Variants in FANK1 observed in about 807,000 individuals in gnomAD.
FANK1 encodes fibronectin type 3 and ankyrin repeat domains protein 1.
FANK1 carries 44 observed loss-of-function variants against 45.3 expected under a neutral mutation model. The ratio of observed to expected loss-of-function variants is 0.97; its 90% CI spans 0.76 to 1.25. The LOEUF is 1.25. Ranked by LOEUF, FANK1 falls within the 50% of genes most tolerant of loss-of-function variation. The pLI, the probability that FANK1 is intolerant of heterozygous loss-of-function variation, is 0.00. For synonymous variants in FANK1, 149 were observed against 152.5 expected, an observed-to-expected ratio of 0.98 and a Z score of 0.17; for missense variants, 391 against 424.4, an observed-to-expected ratio of 0.92 and a Z score of 0.69.
At chr10:125,923,033 G>A (rs1947056490) in intron 1 of FANK1, among the ~76,000 whole-genome samples, 1 of 151,732 alleles carries the variant, frequency 6.6e-6, no homozygotes, top group South Asian at 2.1e-4. Context: ...TATGTTTCAT[G>A]GAACTTTTTG....
At chr10:125,954,871 A>G (rs1949480172) in intron 1 of FANK1, among the ~76,000 whole-genome samples, 2 of 152,298 alleles carry the variant, frequency 1.3e-5, no homozygotes, top group South Asian at 2.1e-4. Flanking sequence ...CAGCGAGCCA[A>G]GATTGTGCCA....
chr10:125,911,757 T>A (rs931739799), intron 1 of FANK1, among the ~76,000 whole-genome samples: 34 of 152,240 alleles, frequency 2.2e-4, no homozygotes, highest in African/African-American at 6.3e-4. Context: ...TTTGGATAAC[T>A]TACTAATTAT....
chr10:125,922,555 T>A (rs182513990), intron 1 of FANK1, among the ~76,000 whole-genome samples: 1 of 152,224 alleles, frequency 6.6e-6, no homozygotes, highest in Non-Finnish European at 1.5e-5. Context: ...CTCACTCTGT[T>A]GCCCAGGCTG....
intron 3 of FANK1, chr10:125,989,292 G>A (rs1564950983): frequency 1.9e-6 from 3 of 1,550,334 alleles, no homozygotes; most frequent in Non-Finnish European, 2.6e-6. Flanking sequence ...CCATCTCTGA[G>A]CAAGAGCCTT....
intron 1 of FANK1, among the ~76,000 whole-genome samples, chr10:125,958,505 T>TG (rs1949721628): frequency 6.6e-6 from 1 of 152,190 alleles, no homozygotes. Flanking sequence ...CCTAAGGTGC[T>TG]GGGATTACAG....
At chr10:125,964,186 C>CTTTTTT (rs71486557) in intron 1 of FANK1, among the ~76,000 whole-genome samples, 147 of 78,400 alleles carry the variant, frequency 1.9e-3, no homozygotes, top group Admixed American at 2.4e-3. Flanking sequence ...TTCTCTCTCT[C>CTTTTTT]TTTTTTTTTT....
At chr10:125,897,510 A>C (rs1376450573) in intron 1 of FANK1, among the ~76,000 whole-genome samples, 1 of 152,226 alleles carries the variant, frequency 6.6e-6, no homozygotes, top group Non-Finnish European at 1.5e-5. Flanking sequence ...CTCTCAAACC[A>C]AGTCGTCTTA....
In FANK1 at chr10:126,008,416, G is replaced by A. The variant is rs145929999; in HGVS notation, c.715G>A (p.Val239Met). 26 of 1,603,490 alleles carry A rather than the reference G, an allele frequency of 1.6e-5. No homozygotes were observed. The highest frequency in any genetic ancestry group is 5.6e-5 in the South Asian group (5 of 89,132). ...TTCTCTGGCCCAACAGGTAGACGTC[G>A]TGGACACTGGTTCAGGATGGACCCC... ...MIKDGCEVDV[V>M]DTGSGWTPLM... The change falls in exon 8 of 11, where the codon GTG becomes ATG. Residue 239 changes from valine to methionine, a missense_variant. Transcript: ENST00000368693.
At chr10:125,903,529 C>T (rs1233347913) in intron 1 of FANK1, among the ~76,000 whole-genome samples, 1 of 152,286 alleles carries the variant, frequency 6.6e-6, no homozygotes, top group African/African-American at 2.4e-5. Context: ...CTCCTCCCTC[C>T]ACCTGTTGTG....
At position 125,946,946 on chromosome 10, in the gene FANK1, G is replaced by T. The variant is rs1008414446; in HGVS notation, c.14-33215G>T. ...GAAACCCTACAAGCCAGAAGAGAGT[G>T]GGGGCCAATATTCAACATTCTTAAA... On this transcript the variant is annotated intron_variant, in intron 1 of 10. Coordinates refer to ENST00000368693, the MANE Select transcript of FANK1 (RefSeq NM_145235.5). Among the ~76,000 whole-genome samples, 10 of 148,328 alleles carry T rather than the reference G, an allele frequency of 6.7e-5. No individual in the cohort carries two copies. In the South Asian group the frequency reaches 8.8e-4, roughly 13 times the overall value.
chr10:125,995,529 C>T (rs1354514057), intron 4 of FANK1, 31 bp downstream of exon 4: 2 of 1,594,506 alleles, frequency 1.3e-6, no homozygotes, highest in African/African-American at 1.3e-5. Flanking sequence ...GTTTTTTTTC[C>T]CCCATGCCTA....
chr10:125,933,898 C>T (rs1439859684), intron 1 of FANK1, among the ~76,000 whole-genome samples: 1 of 152,156 alleles, frequency 6.6e-6, no homozygotes, highest in Non-Finnish European at 1.5e-5. Context: ...ACCCAGTGCT[C>T]ATTCAGGAAC....
rs111559052 is a variant in FANK1, at chr10:125,907,897, C to A, written c.13+11242C>A. On this transcript the variant is annotated intron_variant, in intron 1 of 10. Coordinates refer to ENST00000368693, the MANE Select transcript of FANK1 (RefSeq NM_145235.5). ...TGAACCCAGCTCAGCTGACACCTTG[C>A]CTGCAACCTTGTGAGAGCCTATGCA... Among the ~76,000 whole-genome samples the A allele has an allele frequency of 9.1e-3, 1,381 of 152,258 alleles. 17 individuals carry two copies. Among genetic ancestry groups the A allele is most frequent in the African/African-American group, 0.031 (1,307 of 41,544 alleles).
intron 10 of FANK1, 24 bp from the exon 11 acceptor site, chr10:126,009,349 C>T (rs769530204): frequency 9.3e-6 from 15 of 1,613,828 alleles, no homozygotes; most frequent in Admixed American, 1.7e-5. Flanking sequence ...GGATTACATT[C>T]GCCTGTCTGT....
intron 1 of FANK1, among the ~76,000 whole-genome samples, chr10:125,941,777 G>C (rs997421460): frequency 2.0e-5 from 3 of 152,160 alleles, no homozygotes; most frequent in African/African-American, 4.8e-5. Context: ...AATAAAACAA[G>C]TCTCAAAATC....
chr10:125,989,673 C>T (rs1176668721), intron 3 of FANK1, among the ~76,000 whole-genome samples: 1 of 152,172 alleles, frequency 6.6e-6, no homozygotes, highest in African/African-American at 2.4e-5. Flanking sequence ...ATGGTCAACT[C>T]TGGGGATGCA....
At chr10:125,935,028 A>G (rs553733305) in intron 1 of FANK1, among the ~76,000 whole-genome samples, 17 of 151,958 alleles carry the variant, frequency 1.1e-4, no homozygotes, top group Non-Finnish European at 2.4e-4. Flanking sequence ...TGCATGCCCC[A>G]ATCTCTTCTG....
intron 2 of FANK1, among the ~76,000 whole-genome samples, chr10:125,986,785 C>T (rs1951588527): frequency 6.6e-6 from 1 of 152,200 alleles, no homozygotes. Flanking sequence ...CCTGTTCCTG[C>T]CCCATGCCTG....
chr10:125,940,078 C>T (rs1182878402), intron 1 of FANK1, among the ~76,000 whole-genome samples: 1 of 151,994 alleles, frequency 6.6e-6, no homozygotes, highest in Non-Finnish European at 1.5e-5. Flanking sequence ...GAAGATATGT[C>T]AGTGAAGGGG....
Sources: gnomAD v4.1 joint callset for allele counts (sites outside exome capture counted in the v4.1 genomes callset) on GRCh38, gnomAD v4.1.1 for gene constraint, MANE v1.5 for transcripts, NCBI Gene and HGNC (gene_info 2026-07-23, HGNC 2026-07-21) for gene names.